Variants in GABRA3 observed in about 807,000 individuals in gnomAD.
GABRA3 encodes gamma-aminobutyric acid type A receptor subunit alpha3, also known as gamma-aminobutyric acid receptor subunit alpha-3.
In GABRA3, 10 loss-of-function variants were observed where a neutral mutation model predicts 30.1. The ratio of observed to expected loss-of-function variants is 0.33; its 90% CI spans 0.20 to 0.56. The LOEUF is 0.56. Ranked by LOEUF, GABRA3 falls within the 20% of genes least tolerant of loss-of-function variation. The pLI is 0.89. For missense variants in GABRA3, 233 were observed against 392.0 expected (o/e 0.59, Z 3.42); for synonymous variants, 151 against 146.8 (o/e 1.03, Z -0.21).
At chrX:152,444,927 G>T (rs1931041874) in intron 1 of GABRA3, among the ~76,000 whole-genome samples, 1 of 93,174 alleles carries the variant, frequency 1.1e-5, no homozygotes, top group African/African-American at 3.8e-5. Flanking sequence ...CGGGCGTGGT[G>T]GCGGGCGCCT....
At chrX:152,403,569 CGT>C (rs35576596) in intron 1 of GABRA3, among the ~76,000 whole-genome samples, 45,941 of 100,362 alleles carry the variant, frequency 0.46, 9,289 homozygotes, top group Non-Finnish European at 0.61. Flanking sequence ...TATGTGCACA[CGT>C]GTGTGTGTGT....
At chrX:152,416,825 T>G (rs753268810) in intron 1 of GABRA3, among the ~76,000 whole-genome samples, 146 of 108,392 alleles carry the variant, frequency 1.3e-3, no homozygotes, top group African/African-American at 4.4e-3. Context: ...TAGCCATATG[T>G]AGAAAGCTGA....
chrX:152,275,046 G>A (rs1221970183), intron 4 of GABRA3, among the ~76,000 whole-genome samples: 1 of 90,611 alleles, frequency 1.1e-5, no homozygotes, highest in African/African-American at 4.1e-5. Flanking sequence ...TTATTTATAG[G>A]ATATGAATAT....
intron 3 of GABRA3, among the ~76,000 whole-genome samples, chrX:152,339,904 C>T (rs965662959): frequency 1.8e-5 from 2 of 111,676 alleles, no homozygotes; most frequent in Non-Finnish European, 3.8e-5. Flanking sequence ...TTATCTTTAA[C>T]CCACTTGTGG....
chrX:152,271,552 G>A (rs1569376649), intron 4 of GABRA3, among the ~76,000 whole-genome samples: 1 of 112,320 alleles, frequency 8.9e-6, no homozygotes, highest in Non-Finnish European at 1.9e-5. Flanking sequence ...CGTTCAGCCT[G>A]AAAATGTGAT....
chrX:152,291,487 A>C (rs1046100653), intron 3 of GABRA3, among the ~76,000 whole-genome samples: 46 of 111,368 alleles, frequency 4.1e-4, no homozygotes, highest in Admixed American at 1.5e-3. Flanking sequence ...TCTTTTCCTA[A>C]TTGAATACCC....
intron 1 of GABRA3, among the ~76,000 whole-genome samples, chrX:152,383,504 T>C (rs1929207127): frequency 9.3e-6 from 1 of 107,196 alleles, no homozygotes; most frequent in Non-Finnish European, 1.9e-5. Flanking sequence ...GCAAATTCAA[T>C]AACATACTGA....
chrX:152,275,645 G>C (rs986290667), intron 4 of GABRA3, among the ~76,000 whole-genome samples: 2 of 107,182 alleles, frequency 1.9e-5, no homozygotes, highest in Non-Finnish European at 3.8e-5. Flanking sequence ...TGTAATCCTA[G>C]CTACTGGGGA....
intron 1 of GABRA3, among the ~76,000 whole-genome samples, chrX:152,442,133 A>G (rs1930947319): frequency 8.9e-6 from 1 of 111,804 alleles, no homozygotes; most frequent in South Asian, 3.7e-4. Flanking sequence ...AGAAGAAGCA[A>G]CTGAATAGAA....
intron 3 of GABRA3, among the ~76,000 whole-genome samples, chrX:152,300,168 C>G (rs1426622433): frequency 8.9e-6 from 1 of 112,116 alleles, no homozygotes; most frequent in African/African-American, 3.2e-5. Context: ...CAGAAAAATC[C>G]CTGAGTAGTA....
At chrX:152,367,146 C>T (rs73639088) in intron 1 of GABRA3, among the ~76,000 whole-genome samples, 11,346 of 110,131 alleles carry the variant, frequency 0.1, 483 homozygotes, top group South Asian at 0.13. Flanking sequence ...GAAGGTAAAA[C>T]CTATTGCTGA....
At chrX:152,213,895 T>C (rs1220921591) in intron 6 of GABRA3, among the ~76,000 whole-genome samples, 2 of 112,141 alleles carry the variant, frequency 1.8e-5, no homozygotes, top group East Asian at 5.6e-4. Context: ...GCTGTAAATA[T>C]GTAGGTTTAT....
chrX:152,338,157 C>T (rs897575814), intron 3 of GABRA3, among the ~76,000 whole-genome samples: 2 of 111,871 alleles, frequency 1.8e-5, no homozygotes, highest in Non-Finnish European at 3.8e-5. Context: ...CAACAGTGCC[C>T]AAGGGCTCTC....
intron 9 of GABRA3, among the ~76,000 whole-genome samples, chrX:152,189,417 G>T (rs183898056): frequency 8.9e-6 from 1 of 111,970 alleles, no homozygotes; most frequent in East Asian, 2.8e-4. Flanking sequence ...ATTGTACTCT[G>T]GGTTGAAGAT....
At chrX:152,398,954 G>A (rs1929727329) in intron 1 of GABRA3, among the ~76,000 whole-genome samples, 1 of 111,598 alleles carries the variant, frequency 9.0e-6, no homozygotes, top group African/African-American at 3.3e-5. Context: ...CACTCAGCCT[G>A]CAAGGGGATA....
chrX:152,405,678 C>A (rs900111007), intron 1 of GABRA3, among the ~76,000 whole-genome samples: 5 of 111,667 alleles, frequency 4.5e-5, no homozygotes, highest in Non-Finnish European at 9.4e-5. Context: ...CGCCTAATTC[C>A]TGGCCCTAGC....
chrX:152,265,829 A>G (rs1259209394), intron 4 of GABRA3, among the ~76,000 whole-genome samples: 3 of 111,524 alleles, frequency 2.7e-5, no homozygotes, highest in Non-Finnish European at 3.8e-5. Flanking sequence ...AAGAAATTCA[A>G]AGGATCATTA....
intron 3 of GABRA3, among the ~76,000 whole-genome samples, chrX:152,291,602 G>C (rs1939419244): frequency 8.9e-6 from 1 of 111,752 alleles, no homozygotes; most frequent in Non-Finnish European, 1.9e-5. Context: ...TTTTCAAAGG[G>C]AATGCTTCCA....
intron 5 of GABRA3, among the ~76,000 whole-genome samples, chrX:152,225,717 C>T (rs1937938463): frequency 9.2e-6 from 1 of 108,289 alleles, no homozygotes. Context: ...TAACTTTCCT[C>T]GGGTTAGATA....
Sources: gnomAD v4.1 joint callset for allele counts (sites outside exome capture counted in the v4.1 genomes callset) on GRCh38, gnomAD v4.1.1 for gene constraint, MANE v1.5 for transcripts, NCBI Gene and HGNC (gene_info 2026-07-23, HGNC 2026-07-21) for gene names.